The following MAGI2 variants were observed in gnomAD, a reference collection of about 807,000 sequenced individuals.
The protein encoded by MAGI2 is membrane-associated guanylate kinase, WW and PDZ domain-containing protein 2.
Under a neutral mutation model 133.3 loss-of-function variants are expected in MAGI2, and 35 were observed. The observed-to-expected ratio is 0.26, with a 90% CI of 0.20 to 0.35. MAGI2 has a LOEUF of 0.35. Among genes scored for constraint, MAGI2 ranks in the 10% least tolerant of loss-of-function variants. The pLI, the probability that MAGI2 is intolerant of heterozygous loss-of-function variation, is 1.00. For missense variants in MAGI2, 1,636 were observed against 1,863.4 expected, an observed-to-expected ratio of 0.88 and a Z score of 2.25; for synonymous variants, 729 against 710.6, an observed-to-expected ratio of 1.03 and a Z score of -0.41.
At chr7:79,340,554 C>T (rs1004531729) in intron 1 of MAGI2, among the ~76,000 whole-genome samples, 2 of 152,104 alleles carry the variant, frequency 1.3e-5, no homozygotes, top group Non-Finnish European at 2.9e-5. Flanking sequence ...CTTATAAATG[C>T]TCATCTATTG....
Position 78,805,256 on chromosome 7 carries a change from T to TAA in MAGI2, c.419-178019_419-178018dup, listed in dbSNP as rs201941126. On this transcript the variant is annotated intron_variant, in intron 2 of 21. Coordinates refer to ENST00000354212, the MANE Select transcript of MAGI2 (RefSeq NM_012301.4). Reference sequence around the variant, plus strand: ...CACCTTGTACTTTTTGAAGGAAGAGTAAAAAAAAAAAAAACCCACAAAACA... The same window carrying TAA: ...CACCTTGTACTTTTTGAAGGAAGAGTAAAAAAAAAAAAAAAACCCACAAAACA... Among the ~76,000 whole-genome samples the TAA allele has an allele frequency of 2.6e-4, 32 of 121,490 alleles. 1 individual carries two copies. The highest frequency in any genetic ancestry group is 2.5e-3 in the Admixed American group (30 of 12,222). 79.7% of individuals were successfully genotyped at this position (121,490 alleles called of 152,430 possible). A position where few individuals can be genotyped will look rare whatever the true frequency, so the allele number is the denominator to read the frequency against.
chr7:78,949,100 T>TA (rs1300275099), intron 2 of MAGI2, among the ~76,000 whole-genome samples: 1 of 152,114 alleles, frequency 6.6e-6, no homozygotes, highest in African/African-American at 2.4e-5. Context: ...AATAAAGCCT[T>TA]AGTTTTATTG....
At chr7:78,938,581 T>C (rs1399852121) in intron 2 of MAGI2, among the ~76,000 whole-genome samples, 1 of 151,750 alleles carries the variant, frequency 6.6e-6, no homozygotes, top group African/African-American at 2.4e-5. Flanking sequence ...GGAAGGAAAA[T>C]ATGAGGAAGT....
chr7:78,046,401 CA>C (rs757016571), intron 21 of MAGI2, among the ~76,000 whole-genome samples: 2 of 92,784 alleles, frequency 2.2e-5, no homozygotes, highest in African/African-American at 1.0e-4. Flanking sequence ...GACTCTGTCT[CA>C]AAAAAAAACA....
In MAGI2 at chr7:79,134,482, G is replaced by C. The variant is rs186354503; in HGVS notation, c.302-127276C>G. On this transcript the variant is annotated intron_variant, in intron 1 of 21. Transcript: ENST00000354212. ...CCACTTAGATGAGTTTCAGGAGGTTGGTATAATGTATCTCAGCTGAAAGCC... is the reference window on the plus strand; with the variant it reads ...CCACTTAGATGAGTTTCAGGAGGTTCGTATAATGTATCTCAGCTGAAAGCC... 9.2e-5 allele frequency among the ~76,000 whole-genome samples: 14 copies of C among 152,154 alleles called. No homozygotes were observed. In the East Asian group the frequency reaches 1.9e-3, roughly 21 times the overall value.
intron 3 of MAGI2, among the ~76,000 whole-genome samples, chr7:78,574,908 T>C (rs1584703071): frequency 6.6e-6 from 1 of 152,356 alleles, no homozygotes; most frequent in South Asian, 2.1e-4. Context: ...GTATTAAGTG[T>C]TATCTTTAGA....
intron 2 of MAGI2, among the ~76,000 whole-genome samples, chr7:78,923,514 C>T (rs1197168561): frequency 1.4e-4 from 22 of 152,132 alleles, no homozygotes; most frequent in African/African-American, 3.9e-4. Context: ...AGATAAGCGG[C>T]GTTATTTCTG....
rs1804583048 is a variant in MAGI2 at position 78,596,184 on chromosome 7, G to GGGAGGGAAGGAATGA, written c.538+30935_538+30936insTCATTCCTTCCCTCC. On this transcript the variant is annotated intron_variant, in intron 3 of 21. Coordinates refer to ENST00000354212, the MANE Select transcript of MAGI2 (RefSeq NM_012301.4). ...GAGGGAGGGAAGAAATGAAGGAAGG[G>GGGAGGGAAGGAATGA]AGGGAGGGAGGGAGGGAAGGAATGA... Among the ~76,000 whole-genome samples, 12 of 120,332 alleles carry GGGAGGGAAGGAATGA rather than the reference G, an allele frequency of 1.0e-4. No homozygotes were observed. In the South Asian group the frequency reaches 3.9e-3, roughly 39 times the overall value. The allele number at this position is 120,332 out of a possible 152,430, so 78.9% of individuals were successfully genotyped here.
intron 1 of MAGI2, among the ~76,000 whole-genome samples, chr7:79,140,020 T>A (rs1259397554): frequency 1.3e-5 from 2 of 152,194 alleles, no homozygotes; most frequent in African/African-American, 4.8e-5. Flanking sequence ...AGCAGCTTTA[T>A]AAAGGTAAAC....
chr7:78,564,352 A>G (rs1055926262), intron 3 of MAGI2, among the ~76,000 whole-genome samples: 2 of 152,202 alleles, frequency 1.3e-5, no homozygotes, highest in African/African-American at 2.4e-5. Context: ...AATATAAGAA[A>G]AACATTCTGC....
chr7:78,234,082 C>T (rs566620338), intron 10 of MAGI2, among the ~76,000 whole-genome samples: 60 of 152,276 alleles, frequency 3.9e-4, no homozygotes, highest in African/African-American at 1.2e-3. Flanking sequence ...CTGCAAATCA[C>T]TTTAGATCAC....
At chr7:78,991,751 A>C (rs1805809297) in intron 2 of MAGI2, among the ~76,000 whole-genome samples, 1 of 152,038 alleles carries the variant, frequency 6.6e-6, no homozygotes, top group Non-Finnish European at 1.5e-5. Context: ...TGAGAAAGCT[A>C]TGGATCCATT....
rs942818868 is a variant in MAGI2, at chr7:79,229,868, T to C, written c.302-222662A>G. Among the ~76,000 whole-genome samples the C allele has an allele frequency of 6.6e-5, 10 of 151,738 alleles. No individual in the cohort carries two copies. The South Asian group carries it at 2.1e-3, about 32-fold the overall frequency. ...TGCAGGTTAGTTACATATGTATACA[T>C]GTGCCATGCTGGTGCAGTGCACCCA... On this transcript the variant is annotated intron_variant, in intron 1 of 21. Transcript: ENST00000354212.
chr7:78,151,955 G>C (rs1823915880), intron 16 of MAGI2, among the ~76,000 whole-genome samples: 1 of 151,922 alleles, frequency 6.6e-6, no homozygotes, highest in Non-Finnish European at 1.5e-5. Context: ...GAAAATCCTT[G>C]AAAAAAACCT....
chr7:78,215,724 G>C (rs565620629), intron 10 of MAGI2, among the ~76,000 whole-genome samples: 2 of 152,276 alleles, frequency 1.3e-5, no homozygotes, highest in Non-Finnish European at 2.9e-5. Context: ...GGAGGAAAAG[G>C]GGGTAGCAAG....
intron 9 of MAGI2, among the ~76,000 whole-genome samples, chr7:78,272,172 T>A (rs763843693): frequency 1.3e-5 from 2 of 152,224 alleles, no homozygotes; most frequent in African/African-American, 2.4e-5. Flanking sequence ...TCAAAGAACA[T>A]CTTTATTCTG....
chr7:78,174,784 C>G (rs1056248549), intron 14 of MAGI2, among the ~76,000 whole-genome samples: 1 of 152,158 alleles, frequency 6.6e-6, no homozygotes, highest in Non-Finnish European at 1.5e-5. Context: ...CTTTGAGCCA[C>G]ATGATATCAG....
chr7:79,098,619 C>T (rs1817713055), intron 1 of MAGI2, among the ~76,000 whole-genome samples: 1 of 152,178 alleles, frequency 6.6e-6, no homozygotes, highest in Admixed American at 6.5e-5. Flanking sequence ...GACTGCAATA[C>T]TAATCTTTGT....
intron 21 of MAGI2, among the ~76,000 whole-genome samples, chr7:78,029,773 A>G (rs193030860): frequency 6.6e-6 from 1 of 152,392 alleles, no homozygotes; most frequent in Non-Finnish European, 1.5e-5. Flanking sequence ...TGGTGGTAGA[A>G]AGGCAAGGAA....
Sources: allele counts gnomAD v4.1 joint callset (sites outside exome capture counted in the v4.1 genomes callset), GRCh38; gene constraint gnomAD v4.1.1; transcripts MANE v1.5; gene names NCBI Gene and HGNC (gene_info 2026-07-23, HGNC 2026-07-21).